The following WDR93 variants were observed in gnomAD, a reference collection of about 807,000 sequenced individuals.
WDR93 encodes WD repeat domain 93.
A neutral mutation model predicts 82.9 loss-of-function variants in WDR93; 73 were observed. The ratio of observed to expected loss-of-function variants is 0.88; its 90% CI spans 0.73 to 1.07. The LOEUF is 1.07. Ranked by LOEUF, WDR93 falls within the 50% of genes least tolerant of loss-of-function variation. The pLI, the probability that WDR93 is intolerant of heterozygous loss-of-function variation, is 0.00. For synonymous variants in WDR93, 283 were observed against 300.1 expected (o/e 0.94, Z 0.59); for missense variants, 738 against 826.0 (o/e 0.89, Z 1.31).
intron 7 of WDR93, among the ~76,000 whole-genome samples, chr15:89,719,865 A>G (rs144104201): frequency 0.015 from 2,295 of 150,664 alleles, 64 homozygotes; most frequent in African/African-American, 0.053. Flanking sequence ...CACTGGCATG[A>G]TCTTGGCTCA....
chr15:89,728,744 G>A (rs1395405636), intron 9 of WDR93, among the ~76,000 whole-genome samples: 1 of 152,178 alleles, frequency 6.6e-6, no homozygotes, highest in Non-Finnish European at 1.5e-5. Flanking sequence ...CCCCAAAACA[G>A]AAGTGGCTCT....
intron 6 of WDR93, among the ~76,000 whole-genome samples, chr15:89,716,480 T>G (rs1285573067): frequency 6.6e-6 from 1 of 152,236 alleles, no homozygotes; most frequent in African/African-American, 2.4e-5. Flanking sequence ...ATTCACTTCT[T>G]TTTCATACAC....
intron 4 of WDR93, among the ~76,000 whole-genome samples, chr15:89,708,002 C>G (rs989867044): frequency 1.3e-5 from 2 of 152,132 alleles, no homozygotes; most frequent in Non-Finnish European, 2.9e-5. Flanking sequence ...GTATAAATTT[C>G]AAAATAATTA....
intron 4 of WDR93, among the ~76,000 whole-genome samples, chr15:89,711,381 G>A (rs1023367999): frequency 1.1e-4 from 16 of 152,126 alleles, no homozygotes; most frequent in East Asian, 9.6e-4. Flanking sequence ...ACATTAGGCC[G>A]GGCATGGTGG....
chr15:89,705,415 A>G (rs1965682842), intron 3 of WDR93, 139 bp from the exon 4 acceptor site: 7 of 682,556 alleles, frequency 1.0e-5, no homozygotes, highest in South Asian at 1.6e-5. Flanking sequence ...AGAGCAGCAT[A>G]GGCAGTGGAG....
intron 5 of WDR93, among the ~76,000 whole-genome samples, chr15:89,712,995 G>T (rs1966064827): frequency 6.6e-6 from 1 of 152,044 alleles, no homozygotes; most frequent in African/African-American, 2.4e-5. Flanking sequence ...GTGGTGGTGG[G>T]CACCTGTAAT....
intron 7 of WDR93, chr15:89,719,571 T>A (rs1362726643): frequency 6.6e-6 from 1 of 152,176 alleles, no homozygotes; most frequent in East Asian, 1.9e-4. Flanking sequence ...TCCCTCTCAT[T>A]CCTGATATTG....
intron 1 of WDR93, among the ~76,000 whole-genome samples, chr15:89,700,970 ATG>A (rs1245787560): frequency 3.6e-5 from 4 of 110,052 alleles, no homozygotes; most frequent in Non-Finnish European, 3.8e-5. Context: ...ATGCATATAT[ATG>A]TGTGTGTACA....
Position 89,729,601 on chromosome 15 carries a change from C to A in WDR93, c.1124-82C>A. On this transcript the variant is annotated intron_variant, in intron 10 of 16. Transcript: ENST00000268130. ...TTCAAACCAGCTTCTCTTGGGCAAA[C>A]ACCTTCTGTGCAAACCAAAGGCCAC... The A allele has an allele frequency of 1.3e-5, 14 of 1,059,804 alleles. No individual in the cohort carries two copies. The South Asian group carries it at 1.7e-4, about 13-fold the overall frequency. The allele number at this position is 1,059,804 out of a possible 1,614,324, so 65.7% of individuals were successfully genotyped here.
chr15:89,706,692 T>A (rs942781099), intron 4 of WDR93, among the ~76,000 whole-genome samples: 17 of 152,144 alleles, frequency 1.1e-4, no homozygotes, highest in Non-Finnish European at 8.8e-5. Flanking sequence ...AGAGGAATTT[T>A]TTTGCTACCT....
intron 13 of WDR93, 82 bp downstream of exon 13, chr15:89,733,301 C>T (rs750929659): frequency 7.6e-7 from 1 of 1,321,996 alleles, no homozygotes; most frequent in Non-Finnish European, 1.0e-6. Flanking sequence ...CTGACAGCCT[C>T]TCTGACTACA....
At chr15:89,720,479 G>A (rs1482198656) in intron 7 of WDR93, among the ~76,000 whole-genome samples, 1 of 152,038 alleles carries the variant, frequency 6.6e-6, no homozygotes, top group Non-Finnish European at 1.5e-5. Context: ...CACCATATTG[G>A]TCAGGCTGGT....
intron 4 of WDR93, among the ~76,000 whole-genome samples, chr15:89,710,011 T>G (rs1965897701): frequency 1.3e-5 from 2 of 151,912 alleles, no homozygotes; most frequent in Non-Finnish European, 2.9e-5. Flanking sequence ...ATACAAAAAA[T>G]TAGCCGGGTG....
intron 4 of WDR93, among the ~76,000 whole-genome samples, chr15:89,711,535 A>AAC (rs1965977837): frequency 6.6e-6 from 1 of 151,744 alleles, no homozygotes; most frequent in African/African-American, 2.4e-5. Context: ...CAAAAAAAAA[A>AAC]AAAAAAAGAT....
At chr15:89,739,478 C>A (rs553309247) in intron 16 of WDR93, among the ~76,000 whole-genome samples, 5 of 152,334 alleles carry the variant, frequency 3.3e-5, no homozygotes, top group African/African-American at 1.2e-4. Flanking sequence ...CCTAATCCTG[C>A]AAGCACTGTT....
intron 10 of WDR93, 58 bp from the exon 11 acceptor site, chr15:89,729,625 A>G: frequency 7.3e-7 from 1 of 1,373,648 alleles, no homozygotes; most frequent in Non-Finnish European, 1.0e-6. Flanking sequence ...ACCAAAGGCC[A>G]CCCAGATTTC....
upstream of WDR93, chr15:89,690,726 T>A: frequency 2.3e-6 from 2 of 870,772 alleles, no homozygotes; most frequent in African/African-American, 1.7e-5. Flanking sequence ...TCCCAGGTTA[T>A]CCGCTGAGGG....
chr15:89,734,111 G>A (rs977060944), intron 13 of WDR93, among the ~76,000 whole-genome samples: 1 of 152,102 alleles, frequency 6.6e-6, no homozygotes, highest in African/African-American at 2.4e-5. Flanking sequence ...TTCCATTTGG[G>A]CTCCCTGCAT....
At chr15:89,736,642 G>A (rs1411076143) in intron 14 of WDR93, among the ~76,000 whole-genome samples, 2 of 152,100 alleles carry the variant, frequency 1.3e-5, no homozygotes, top group Non-Finnish European at 2.9e-5. Context: ...GTCCTGTGCT[G>A]CAGAAAAACC....
Sources: allele counts gnomAD v4.1 joint callset (sites outside exome capture counted in the v4.1 genomes callset), GRCh38; gene constraint gnomAD v4.1.1; transcripts MANE v1.5; gene names NCBI Gene and HGNC (gene_info 2026-07-23, HGNC 2026-07-21).